Variants in PIR observed in about 807,000 individuals in gnomAD.
PIR encodes pirin (iron-binding nuclear protein).
Under a neutral mutation model 24.2 loss-of-function variants are expected in PIR, and 22 were observed. That is an observed-to-expected ratio of 0.91 (90% CI 0.65 to 1.30). PIR has a LOEUF of 1.30. Ranked by LOEUF, PIR falls within the 50% of genes most tolerant of loss-of-function variation. The probability of loss-of-function intolerance (pLI) is 0.00; values close to 1 mark genes in which losing one functional copy is unlikely to be tolerated. For synonymous variants in PIR, 80 were observed against 79.6 expected (o/e 1.00, Z -0.03); for missense variants, 220 against 220.3 (o/e 1.00, Z 0.01).
At chrX:15,417,890 G>A (rs1924978846) in intron 6 of PIR, among the ~76,000 whole-genome samples, 1 of 111,177 alleles carries the variant, frequency 9.0e-6, no homozygotes, top group African/African-American at 3.3e-5. Flanking sequence ...CATCATCCAG[G>A]CTAATCTCCC....
In PIR at chrX:15,397,514, G is replaced by A. The variant is rs778373622; in HGVS notation, c.628C>T (p.Gln210Ter). 3.3e-6 allele frequency: 4 copies of A among 1,202,553 alleles called. No individual in the cohort carries two copies. Among genetic ancestry groups the A allele is most frequent in the East Asian group, 3.0e-5 (1 of 33,728 alleles). ...DVYIGPDDAQ[Q>*]KIEPHHTAVL... ...GCTGTGTGATGAGGTTCTATTTTTT[G>A]TTGTGCATCATCGGGCCCTACAAAA... Residue 210 changes from glutamine (Q) to a stop codon, truncating the protein, a stop_gained, in exon 8 of 10, where the codon CAA becomes TAA. Coordinates refer to ENST00000380420, the MANE Select transcript of PIR (RefSeq NM_001018109.3). LOFTEE classifies it high-confidence loss of function.
chrX:15,463,715 A>G (rs1407803058), intron 3 of PIR, among the ~76,000 whole-genome samples: 1 of 112,373 alleles, frequency 8.9e-6, no homozygotes, highest in Non-Finnish European at 1.9e-5. Context: ...TGGCACAGGG[A>G]TAGAAGAGAC....
Position 15,425,705 on chromosome X carries a change from C to T in PIR, c.565+201G>A, listed in dbSNP as rs191461882. On this transcript the variant is annotated intron_variant, in intron 6 of 9. Coordinates refer to ENST00000380420, the MANE Select transcript of PIR (RefSeq NM_001018109.3). ...GATTACTGGCGTGAGCCACCGTGCC[C>T]GGCCTCTTCCTGATTTTCTTAACTT... 1.1e-3 allele frequency among the ~76,000 whole-genome samples: 123 copies of T among 112,256 alleles called. No individual in the cohort carries two copies. In the East Asian group the frequency reaches 0.012, roughly 11 times the overall value.
rs191555093 is a variant in PIR at position 15,448,827 on chromosome X, A to G, written c.480+7021T>C. Among the ~76,000 whole-genome samples, 21 of 111,622 alleles carry G rather than the reference A, an allele frequency of 1.9e-4. No individual in the cohort carries two copies. The East Asian group carries it at 5.9e-3, about 31-fold the overall frequency. On this transcript the variant is annotated intron_variant, in intron 5 of 9. Transcript: ENST00000380420. ...CACACAAGCAGAATTGATTCTCCCT[A>G]TTCTGGAGTATCATGAGATTTTCAC...
intron 4 of PIR, 78 bp downstream of exon 4, chrX:15,459,579 G>A (rs1602282098): frequency 1.8e-6 from 1 of 567,619 alleles, no homozygotes; most frequent in East Asian, 3.3e-5. Flanking sequence ...AAGGGTGAAT[G>A]TACTGGAAGT....
chrX:15,394,640 G>A (rs1924067712), intron 8 of PIR, among the ~76,000 whole-genome samples: 1 of 111,552 alleles, frequency 9.0e-6, no homozygotes, highest in Admixed American at 9.5e-5. Context: ...GAGCCATCAG[G>A]GAAACCATCA....
intron 5 of PIR, among the ~76,000 whole-genome samples, chrX:15,442,897 G>C (rs951070915): frequency 8.9e-6 from 1 of 112,618 alleles, no homozygotes; most frequent in Non-Finnish European, 1.9e-5. Context: ...AGTAGCAAGT[G>C]CTGATGGAGA....
In PIR at chrX:15,455,832, C is replaced by T. The variant is rs1921058810; in HGVS notation, c.480+16G>A. ...CTGCATGCCTCAGGTTAAATAGACA[C>T]AATAGCCTGGCTTACCTTTATTCCC... On this transcript the variant is annotated intron_variant, in intron 5 of 9. Transcript: ENST00000380420. 2 of 1,181,649 alleles carry T rather than the reference C, an allele frequency of 1.7e-6. No individual in the cohort carries two copies. The highest frequency in any genetic ancestry group is 3.0e-5 in the East Asian group (1 of 33,705).
chrX:15,444,576 T>C (rs1926026436), intron 5 of PIR, among the ~76,000 whole-genome samples: 1 of 111,690 alleles, frequency 9.0e-6, no homozygotes, highest in South Asian at 3.8e-4. Context: ...CACTGAATTT[T>C]AGGCCCTCTT....
chrX:15,413,244 G>A lies in PIR; in HGVS notation c.566-5694C>T, dbSNP rs527455904. On this transcript the variant is annotated intron_variant, in intron 6 of 9. Coordinates refer to ENST00000380420, the MANE Select transcript of PIR (RefSeq NM_001018109.3). ...GGAGACGTTACACAATTCTGATGAG[G>A]CTGTGACCCAGGCCAGAGAAGGGTC... Among the ~76,000 whole-genome samples the A allele has an allele frequency of 3.6e-5, 4 of 111,368 alleles. No homozygotes were observed. The South Asian group carries it at 1.5e-3, about 43-fold the overall frequency.
chrX:15,434,635 A>G (rs1383455700), intron 5 of PIR, among the ~76,000 whole-genome samples: 1 of 110,212 alleles, frequency 9.1e-6, no homozygotes, highest in African/African-American at 3.3e-5. Context: ...GTGATGTGTG[A>G]CTGTGAGAGG....
chrX:15,484,306 CTTTTTTTTTTTT>C (rs1193474348), intron 2 of PIR, among the ~76,000 whole-genome samples: 2 of 67,486 alleles, frequency 3.0e-5, no homozygotes, highest in Non-Finnish European at 5.4e-5. Context: ...TCTCAATTTT[CTTTTTTTTTTTT>C]TTTTTTTTTT....
At chrX:15,418,169 A>ATCC (rs1286226765) in intron 6 of PIR, among the ~76,000 whole-genome samples, 6 of 111,807 alleles carry the variant, frequency 5.4e-5, no homozygotes, top group Non-Finnish European at 9.4e-5. Flanking sequence ...AACATTCCAG[A>ATCC]TCCTGCCTTT....
intron 3 of PIR, among the ~76,000 whole-genome samples, chrX:15,463,207 C>T (rs952137841): frequency 9.3e-5 from 10 of 107,339 alleles, no homozygotes; most frequent in Non-Finnish European, 1.8e-4. Flanking sequence ...CCCACCTGCC[C>T]GCAGATATAA....
chrX:15,389,144 A>T (rs756999057), intron 9 of PIR, among the ~76,000 whole-genome samples: 57 of 111,938 alleles, frequency 5.1e-4, no homozygotes, highest in Admixed American at 1.3e-3. Flanking sequence ...TTCCCACCTA[A>T]ATGTTAGTTA....
chrX:15,407,605 A>C, intron 6 of PIR, 55 bp from the exon 7 acceptor site: 1 of 864,921 alleles, frequency 1.2e-6, no homozygotes, highest in Non-Finnish European at 1.7e-6. Flanking sequence ...AAAAGGAACA[A>C]AGACATATAC....
intron 3 of PIR, among the ~76,000 whole-genome samples, chrX:15,465,109 A>G (rs535939734): frequency 1.8e-5 from 2 of 111,645 alleles, no homozygotes; most frequent in Admixed American, 1.9e-4. Context: ...CCTTTCCTCT[A>G]CTTTTGCAGT....
chrX:15,483,174 T>TATATATATATATACATATATATAG (rs955424390), intron 2 of PIR, among the ~76,000 whole-genome samples: 1 of 98,751 alleles, frequency 1.0e-5, no homozygotes, highest in East Asian at 3.1e-4. Context: ...CATATATATA[T>TATATATATATATACATATATATAG]AAATTCAACA....
At chrX:15,450,981 G>A (rs1038687438) in intron 5 of PIR, among the ~76,000 whole-genome samples, 1 of 110,906 alleles carries the variant, frequency 9.0e-6, no homozygotes, top group Non-Finnish European at 1.9e-5. Context: ...ACAGTGGCTT[G>A]CACAGTGGCC....
Sources: gnomAD v4.1 joint callset for allele counts (sites outside exome capture counted in the v4.1 genomes callset) on GRCh38, gnomAD v4.1.1 for gene constraint, MANE v1.5 for transcripts, NCBI Gene and HGNC (gene_info 2026-07-23, HGNC 2026-07-21) for gene names.